The following ACSF3 variants were observed in gnomAD, a reference collection of about 807,000 sequenced individuals.
The protein encoded by ACSF3 is malonate--CoA ligase ACSF3, mitochondrial.
A neutral mutation model predicts 53.2 loss-of-function variants in ACSF3; 78 were observed. That is an observed-to-expected ratio of 1.47 (90% confidence interval 1.22 to 1.77). The LOEUF is 1.77. Among genes scored for constraint, ACSF3 ranks in the 40% most tolerant of loss-of-function variants. The pLI is 0.00. For synonymous variants in ACSF3, 414 were observed against 333.1 expected (o/e 1.24, Z -2.65); for missense variants, 937 against 771.1 (o/e 1.22, Z -2.55).
rs1236243100 is a variant in ACSF3, at chr16:89,154,930, C to A, written c.*723C>A. 4.4e-6 allele frequency: 2 copies of A among 453,916 alleles called. No homozygotes were observed. Among genetic ancestry groups the A allele is most frequent in the African/African-American group, 4.0e-5 (2 of 49,984 alleles). 28.1% of individuals were successfully genotyped at this position (453,916 alleles called of 1,614,324 possible). A position where few individuals can be genotyped will look rare whatever the true frequency, so the allele number is the denominator to read the frequency against. On this transcript the variant is annotated 3_prime_UTR_variant, in exon 11 of 11. Coordinates refer to ENST00000614302, the MANE Select transcript of ACSF3 (RefSeq NM_001243279.3). Reference sequence around the variant, plus strand: ...GGGACTTTCCAGGTCATCTCCACACCAGCCCCTCAGCCGGTGAACCCTCTC... The same window carrying A: ...GGGACTTTCCAGGTCATCTCCACACAAGCCCCTCAGCCGGTGAACCCTCTC...
chr16:89,142,152 C>G (rs557966411), intron 8 of ACSF3, among the ~76,000 whole-genome samples: 1 of 152,184 alleles, frequency 6.6e-6, no homozygotes, highest in Non-Finnish European at 1.5e-5. Flanking sequence ...GGGCCTGTGA[C>G]GACCCTGGGG....
In ACSF3 at chr16:89,114,484, C is replaced by T. The variant is rs1257930513; in HGVS notation, c.1123C>T (p.Pro375Ser). The change falls in exon 6 of 11, where the codon CCA becomes TCA. Residue 375 changes from proline (P) to serine (S), a missense_variant. Transcript: ENST00000614302. ...GCCCCTGACCACTGCCGTGCGCCTG[C>T]CAGGTACGAGCACTTCCCACAGCTG... ...SGPLTTAVRLPGSVGTPLPGV... is the reference protein window; with the variant it reads ...SGPLTTAVRLSGSVGTPLPGV... 6.2e-7 allele frequency: 1 copy of T among 1,611,480 alleles called. No individual in the cohort carries two copies. Among genetic ancestry groups the T allele is most frequent in the South Asian group, 1.1e-5 (1 of 91,074 alleles).
Position 89,112,641 on chromosome 16 carries a change from C to CGTCTGTCTCTCT in ACSF3, c.977+399_977+400insGTCTCTCTGTCT, listed in dbSNP as rs374756923. Among the ~76,000 whole-genome samples the CGTCTGTCTCTCT allele has an allele frequency of 1.1e-3, 170 of 152,134 alleles. 2 individuals carry two copies. The highest frequency in any genetic ancestry group is 3.7e-3 in the African/African-American group (153 of 41,504). On this transcript the variant is annotated intron_variant, in intron 5 of 10. Transcript: ENST00000614302. Reference sequence around the variant, plus strand: ...CTCCATCGCTCTTCATCTGTCTCTCCGTCTTCTCTTTCTCTATCTCTCCTG... The same window carrying CGTCTGTCTCTCT: ...CTCCATCGCTCTTCATCTGTCTCTCCGTCTGTCTCTCTGTCTTCTCTTTCTCTATCTCTCCTG...
At position 89,154,865 on chromosome 16, in the gene ACSF3, G is replaced by A. The variant is rs1033161643; in HGVS notation, c.*658G>A. On this transcript the variant is annotated 3_prime_UTR_variant, in exon 11 of 11. Coordinates refer to ENST00000614302, the MANE Select transcript of ACSF3 (RefSeq NM_001243279.3). ...AGAAAGTGCGTGGACGGATGGCCCC[G>A]GAGCTGCTCTGCCGTGACCCTGCCT... 2.2e-5 allele frequency: 10 copies of A among 453,980 alleles called. No homozygotes were observed. Among genetic ancestry groups the A allele is most frequent in the South Asian group, 6.2e-5 (4 of 64,474 alleles). The allele number at this position is 453,980 out of a possible 1,614,324, so 28.1% of individuals were successfully genotyped here.
At chr16:89,099,750 C>G (rs2151400282) in intron 2 of ACSF3, among the ~76,000 whole-genome samples, 1 of 151,968 alleles carries the variant, frequency 6.6e-6, no homozygotes, top group Admixed American at 6.6e-5. Context: ...CTACTGTACT[C>G]CAGCCTGGGT....
chr16:89,131,999 G>T (rs1475722914), intron 7 of ACSF3, among the ~76,000 whole-genome samples: 3 of 151,620 alleles, frequency 2.0e-5, no homozygotes, highest in Non-Finnish European at 4.4e-5. Context: ...TGGGGCAGGT[G>T]TTTCACCCCC....
chr16:89,145,842 G>A (rs897897620), intron 9 of ACSF3, 96 bp from the exon 10 acceptor site: 13 of 1,076,080 alleles, frequency 1.2e-5, no homozygotes, highest in South Asian at 7.5e-5. Context: ...CCAGGGCTGC[G>A]GCCAGACTGC....
intron 9 of ACSF3, among the ~76,000 whole-genome samples, chr16:89,145,709 C>G (rs939674200): frequency 2.0e-5 from 3 of 152,208 alleles, no homozygotes; most frequent in Non-Finnish European, 2.9e-5. Context: ...GGCGGGAAGG[C>G]AGAGCCCCTG....
At chr16:89,096,595 G>A (rs1974640398) in intron 1 of ACSF3, among the ~76,000 whole-genome samples, 1 of 152,166 alleles carries the variant, frequency 6.6e-6, no homozygotes. Flanking sequence ...ATGCTTGGTG[G>A]GAGAATAAAT....
intron 7 of ACSF3, among the ~76,000 whole-genome samples, chr16:89,121,730 C>T (rs1045641439): frequency 3.3e-5 from 5 of 152,186 alleles, no homozygotes; most frequent in Non-Finnish European, 5.9e-5. Context: ...TTGGCCCTCA[C>T]GGGCACAACT....
chr16:89,141,422 C>T (rs765449674), intron 8 of ACSF3: 5 of 884,098 alleles, frequency 5.7e-6, no homozygotes, highest in East Asian at 6.3e-5. Flanking sequence ...CGGGGCCGCC[C>T]CTTTGGGTGG....
In ACSF3 at chr16:89,146,044, G is replaced by A. The variant is rs201954387; in HGVS notation, c.1608G>A (p.Trp536Ter). 37 of 1,602,686 alleles carry A rather than the reference G, an allele frequency of 2.3e-5. No homozygotes were observed. Among genetic ancestry groups the A allele is most frequent in the Non-Finnish European group, 3.4e-6 (4 of 1,170,284 alleles). ...HSLSHRELKE[W>*]ARNVLAPYAV... ...TGTCCCACAGGGAGCTCAAAGAGTG[G>A]GCCAGGTAGGGCTGGGTGGGGCGGG... Residue 536 changes from tryptophan to a stop codon, truncating the protein, a stop_gained, in exon 10 of 11, where the codon TGG (tryptophan) becomes TGA (stop). Coordinates refer to ENST00000614302, the MANE Select transcript of ACSF3 (RefSeq NM_001243279.3). LOFTEE classifies it high-confidence loss of function.
intron 6 of ACSF3, among the ~76,000 whole-genome samples, chr16:89,116,862 C>G (rs1267111407): frequency 6.6e-6 from 1 of 152,184 alleles, no homozygotes; most frequent in Non-Finnish European, 1.5e-5. Context: ...ACTCGCGCAT[C>G]TCCACGATGG....
intron 8 of ACSF3, among the ~76,000 whole-genome samples, chr16:89,142,973 A>G (rs1250870143): frequency 2.0e-5 from 3 of 152,078 alleles, no homozygotes; most frequent in African/African-American, 7.2e-5. Context: ...CGCGATCATA[A>G]TCCATTGCCG....
intron 7 of ACSF3, 105 bp from the exon 8 acceptor site, chr16:89,133,031 C>T (rs1225863320): frequency 1.3e-6 from 2 of 1,544,716 alleles, no homozygotes; most frequent in African/African-American, 2.7e-5. Flanking sequence ...AGCACGCGGC[C>T]CTGGGTGGGC....
intron 5 of ACSF3, chr16:89,114,065 A>G (rs950765279): frequency 1.0e-5 from 5 of 499,216 alleles, no homozygotes; most frequent in African/African-American, 5.8e-5. Flanking sequence ...CCCTAAGCAC[A>G]TTGTTTACCC....
Position 89,155,260 on chromosome 16 carries a change from A to C in ACSF3, c.*1053A>C, listed in dbSNP as rs1439064154. 1 of 454,104 alleles carries C rather than the reference A, an allele frequency of 2.2e-6. No individual in the cohort carries two copies. Among genetic ancestry groups the C allele is most frequent in the South Asian group, 1.6e-5 (1 of 64,478 alleles). 28.1% of individuals were successfully genotyped at this position (454,104 alleles called of 1,614,324 possible). A position where few individuals can be genotyped will look rare whatever the true frequency, so the allele number is the denominator to read the frequency against. ...CATCGCCCAGCAGTGTCTGGCCTGAACTTACCCAGAACATTCTGCCCCCGG... is the reference window on the plus strand; with the variant it reads ...CATCGCCCAGCAGTGTCTGGCCTGACCTTACCCAGAACATTCTGCCCCCGG... On this transcript the variant is annotated 3_prime_UTR_variant, in exon 11 of 11. Transcript: ENST00000614302.
intron 4 of ACSF3, among the ~76,000 whole-genome samples, chr16:89,108,640 C>G (rs1424524826): frequency 6.6e-6 from 1 of 152,204 alleles, no homozygotes; most frequent in East Asian, 1.9e-4. Context: ...GGGCGTGTCA[C>G]ACTCAGTCTT....
In ACSF3 at chr16:89,112,222, G is replaced by C. The variant is rs200352879; in HGVS notation, c.953G>C (p.Arg318Pro). 3.1e-6 allele frequency: 5 copies of C among 1,614,032 alleles called. No individual in the cohort carries two copies. In the African/African-American group the frequency reaches 4.0e-5, roughly 13 times the overall value. ...FTQPHAQDFL[R>P]AVCEEKIRLM... ...CAGCCGCACGCCCAGGATTTCTTGCGTGCAGTTTGTGAAGAAAAAATTAGG... is the reference window on the plus strand; with the variant it reads ...CAGCCGCACGCCCAGGATTTCTTGCCTGCAGTTTGTGAAGAAAAAATTAGG... Residue 318 changes from arginine (R) to proline (P), a missense_variant, in exon 5 of 11, where the codon CGT (arginine) becomes CCT (proline). By Grantham distance (103) the Arg-to-Pro change is moderately radical (BLOSUM62 -2). Transcript: ENST00000614302.
Sources: gnomAD v4.1 joint callset for allele counts (sites outside exome capture counted in the v4.1 genomes callset) on GRCh38, gnomAD v4.1.1 for gene constraint, MANE v1.5 for transcripts, NCBI Gene and HGNC (gene_info 2026-07-23, HGNC 2026-07-21) for gene names.